RAB9B: variants seen among roughly 807,000 people sequenced by gnomAD.
RAB9B encodes the protein RAB9B, member RAS oncogene family.
RAB9B carries 1 observed loss-of-function variant against 8.9 expected under a neutral mutation model. That is an observed-to-expected ratio of 0.11 (90% CI 0.04 to 0.53). The LOEUF is 0.53. RAB9B is among the 20% of genes least tolerant of loss of function. The pLI, the probability that RAB9B is intolerant of heterozygous loss-of-function variation, is 0.93. For missense variants in RAB9B, 82 were observed against 152.9 expected (o/e 0.54, Z 2.45); for synonymous variants, 63 against 57.0 (o/e 1.10, Z -0.47).
the RAB9B span, among the ~76,000 whole-genome samples, chrX:103,780,526 G>T: frequency 2.7e-5 from 3 of 109,973 alleles, no homozygotes. Flanking sequence ...TGCTGTTGCC[G>T]TGGTAATACT....
the RAB9B span, among the ~76,000 whole-genome samples, chrX:103,816,149 C>T: frequency 9.0e-6 from 1 of 111,466 alleles, no homozygotes; most frequent in African/African-American, 3.3e-5. Context: ...ACGAACAAAG[C>T]TGCAGGCATC....
the RAB9B span, chrX:103,792,688 A>C: frequency 8.9e-6 from 1 of 112,670 alleles, no homozygotes. Flanking sequence ...TACCTTGTTC[A>C]AGGAGATCAT....
the RAB9B span, chrX:103,776,747 A>C: frequency 1.4e-5 from 5 of 356,091 alleles, no homozygotes; most frequent in Non-Finnish European, 2.4e-5. Flanking sequence ...AGTATCCCTG[A>C]GTAGGTGGGG....
chrX:103,799,371 G>A, the RAB9B span, among the ~76,000 whole-genome samples: 1 of 111,382 alleles, frequency 9.0e-6, no homozygotes, highest in African/African-American at 3.3e-5. Context: ...TCAGCAGAGT[G>A]AGAACACCAG....
the RAB9B span, among the ~76,000 whole-genome samples, chrX:103,801,859 A>C: frequency 3.6e-5 from 4 of 111,237 alleles, no homozygotes; most frequent in East Asian, 8.5e-4. Context: ...TTTATATAAC[A>C]AACTTTCCTG....
chrX:103,810,672 A>G, the RAB9B span, among the ~76,000 whole-genome samples: 1 of 111,681 alleles, frequency 9.0e-6, no homozygotes, highest in South Asian at 3.8e-4. Flanking sequence ...CACCACACCT[A>G]TCCTCCACAA....
At chrX:103,814,290 A>G in the RAB9B span, among the ~76,000 whole-genome samples, 1 of 112,116 alleles carries the variant, frequency 8.9e-6, no homozygotes, top group African/African-American at 3.2e-5. Flanking sequence ...ATCTCACTCA[A>G]AACCGCACAA....
chrX:103,807,301 C>T, the RAB9B span, among the ~76,000 whole-genome samples: 11 of 111,823 alleles, frequency 9.8e-5, no homozygotes, highest in Non-Finnish European at 2.1e-4. Flanking sequence ...CTCATCTCTG[C>T]TCCTCCTACC....
the RAB9B span, among the ~76,000 whole-genome samples, chrX:103,801,545 T>C: frequency 2.7e-5 from 3 of 112,065 alleles, no homozygotes; most frequent in African/African-American, 9.7e-5. Flanking sequence ...GCAAACAATA[T>C]GACTTTGATT....
the RAB9B span, among the ~76,000 whole-genome samples, chrX:103,803,666 A>T: frequency 8.9e-6 from 1 of 111,902 alleles, no homozygotes; most frequent in South Asian, 3.7e-4. Flanking sequence ...GCAGCCTCCG[A>T]CTCCCTGGTT....
the RAB9B span, among the ~76,000 whole-genome samples, chrX:103,803,090 C>T: frequency 8.9e-6 from 1 of 111,889 alleles, no homozygotes; most frequent in Admixed American, 9.5e-5. Flanking sequence ...TTTTGTTTAT[C>T]TATTCTTCAG....
At chrX:103,789,009 C>T in the RAB9B span, 1 of 345,474 alleles carries the variant, frequency 2.9e-6, no homozygotes, top group African/African-American at 2.6e-5. Flanking sequence ...CCGGGGGAGA[C>T]AGGCAGTAAA....
chrX:103,789,780 C>T, the RAB9B span, among the ~76,000 whole-genome samples: 1 of 111,747 alleles, frequency 8.9e-6, no homozygotes, highest in Non-Finnish European at 1.9e-5. Flanking sequence ...TTGCTATAGC[C>T]TGGAATTCTA....
the RAB9B span, chrX:103,787,696 G>A: frequency 1.4e-5 from 10 of 700,273 alleles, no homozygotes; most frequent in Admixed American, 2.2e-4. Flanking sequence ...CCTGGAACCT[G>A]GTTTTAATGT....
At position 103,823,042 on chromosome X, in the gene RAB9B, C is replaced by T. The variant is rs1444409182; in HGVS notation, c.*2137G>A. On this transcript the variant is annotated 3_prime_UTR_variant, in exon 3 of 3. Coordinates refer to ENST00000243298, the MANE Select transcript of RAB9B (RefSeq NM_016370.4). ...TGACCACATGCCACTCTAATAGAGA[C>T]AAATACTTTTGTGAGTTGATAGAGG... 1 of 110,334 alleles carries T rather than the reference C, an allele frequency of 9.1e-6. No homozygotes were observed. Among genetic ancestry groups the T allele is most frequent in the Non-Finnish European group, 1.9e-5 (1 of 52,803 alleles). 9.1% of individuals were successfully genotyped at this position (110,334 alleles called of 1,213,427 possible). A position where few individuals can be genotyped will look rare whatever the true frequency, so the allele number is the denominator to read the frequency against.
chrX:103,796,509 C>T, the RAB9B span, among the ~76,000 whole-genome samples: 1 of 110,590 alleles, frequency 9.0e-6, no homozygotes, highest in Admixed American at 9.6e-5. Flanking sequence ...ATAAACTTGG[C>T]CCGGACTGTA....
chrX:103,807,749 G>T, the RAB9B span, among the ~76,000 whole-genome samples: 1 of 111,631 alleles, frequency 9.0e-6, no homozygotes, highest in Non-Finnish European at 1.9e-5. Context: ...GCTGTGACAG[G>T]GAGTCCCCAA....
Position 103,825,821 on chromosome X carries a change from G to C in RAB9B, c.-37C>G. 1 of 1,124,328 alleles carries C rather than the reference G, an allele frequency of 8.9e-7. No individual in the cohort carries two copies. The highest frequency in any genetic ancestry group is 1.2e-6 in the Non-Finnish European group (1 of 847,582). The allele number at this position is 1,124,328 out of a possible 1,213,427, so 92.7% of individuals were successfully genotyped here. A position where few individuals can be genotyped will look rare whatever the true frequency, so the allele number is the denominator to read the frequency against. On this transcript the variant is annotated 5_prime_UTR_variant, in exon 3 of 3. Coordinates refer to ENST00000243298, the MANE Select transcript of RAB9B (RefSeq NM_016370.4). ...CAGAAGGGAAGGAGTTTGTAACCAA[G>C]AGAACCTGAAAATAAAAGGAAAAGT...
chrX:103,784,730 CCT>C, the RAB9B span, among the ~76,000 whole-genome samples: 1 of 112,097 alleles, frequency 8.9e-6, no homozygotes, highest in Non-Finnish European at 1.9e-5. Context: ...GTGCATTTAC[CCT>C]CTGTTACCAC....
Sources: gnomAD v4.1 joint callset for allele counts (sites outside exome capture counted in the v4.1 genomes callset) on GRCh38, gnomAD v4.1.1 for gene constraint, MANE v1.5 for transcripts, NCBI Gene and HGNC (gene_info 2026-07-23, HGNC 2026-07-21) for gene names.